Variants in SKP2 observed in about 807,000 individuals in gnomAD.
SKP2 encodes S-phase kinase associated protein 2, also known as S-phase kinase-associated protein 2.
SKP2 carries 16 observed loss-of-function variants against 51.8 expected under a neutral mutation model. The observed-to-expected ratio is 0.31, with a 90% CI of 0.21 to 0.47. The LOEUF is 0.47. SKP2 is among the 20% of genes least tolerant of loss of function. The probability of loss-of-function intolerance (pLI) is 1.00; values close to 1 mark genes in which losing one functional copy is unlikely to be tolerated. For synonymous variants in SKP2, 176 were observed against 198.6 expected (o/e 0.89, Z 0.96); for missense variants, 377 against 505.3 (o/e 0.75, Z 2.43).
chr5:36,183,453 G>A lies in SKP2; in HGVS notation c.*1422G>A, dbSNP rs1290932801. On this transcript the variant is annotated 3_prime_UTR_variant, in exon 10 of 10. Transcript: ENST00000274255. ...GGCTAATTTTTTTGTATTTTTAGTA[G>A]AGACGGGGTTTCACCATGTTAGCCA... is the stretch of plus-strand genomic sequence containing the variant. The A allele has an allele frequency of 9.5e-6, 3 of 316,766 alleles. No individual in the cohort carries two copies. Among genetic ancestry groups the A allele is most frequent in the African/African-American group, 2.3e-5 (1 of 44,330 alleles). 19.6% of individuals were successfully genotyped at this position (316,766 alleles called of 1,614,324 possible). A position where few individuals can be genotyped will look rare whatever the true frequency, so the allele number is the denominator to read the frequency against.
intron 2 of SKP2, among the ~76,000 whole-genome samples, chr5:36,153,896 A>G (rs1364677163): frequency 1.3e-5 from 2 of 152,154 alleles, no homozygotes; most frequent in African/African-American, 4.8e-5. Flanking sequence ...TAAACAGGGC[A>G]TTGACCTGGG....
intron 7 of SKP2, among the ~76,000 whole-genome samples, chr5:36,172,712 G>A (rs1200965455): frequency 2.0e-5 from 3 of 152,136 alleles, no homozygotes; most frequent in African/African-American, 7.2e-5. Flanking sequence ...ATGTCCTCTG[G>A]TAAGATGTAT....
Position 36,183,554 on chromosome 5 carries a change from A to C in SKP2, c.*1523A>C. ...AGTGCTGGGATTACAGGCATGAGCA[A>C]CTGCGCCCAGCCAAATTCTACTTCT... On this transcript the variant is annotated 3_prime_UTR_variant, in exon 10 of 10. Coordinates refer to ENST00000274255, the MANE Select transcript of SKP2 (RefSeq NM_005983.4). 3.2e-5 allele frequency: 33 copies of C among 1,021,872 alleles called. No individual in the cohort carries two copies. Among genetic ancestry groups the C allele is most frequent in the Non-Finnish European group, 3.9e-5 (33 of 853,730 alleles). 63.3% of individuals were successfully genotyped at this position (1,021,872 alleles called of 1,614,324 possible).
chr5:36,178,791 G>A (rs564527116), intron 9 of SKP2, among the ~76,000 whole-genome samples: 1 of 152,156 alleles, frequency 6.6e-6, no homozygotes, highest in Admixed American at 6.5e-5. Context: ...CTTCTCTGCA[G>A]AAAGAAAGAA....
intron 9 of SKP2, 53 bp downstream of exon 9, chr5:36,177,345 GC>G: frequency 9.4e-7 from 1 of 1,064,612 alleles, no homozygotes; most frequent in Non-Finnish European, 1.5e-6. Context: ...CAACAGAGAT[GC>G]CCCTTGGTGT....
At chr5:36,157,943 C>T (rs888107107) in intron 2 of SKP2, among the ~76,000 whole-genome samples, 5 of 152,198 alleles carry the variant, frequency 3.3e-5, no homozygotes, top group African/African-American at 1.2e-4. Context: ...CAACAAGGCC[C>T]TCTTCCCAGA....
Position 36,157,186 on chromosome 5 carries a change from C to T in SKP2, c.280+4144C>T, listed in dbSNP as rs573800579. On this transcript the variant is annotated intron_variant, in intron 2 of 9. Transcript: ENST00000274255. Reference sequence around the variant, plus strand: ...CCAGTCATCTTTCTTTGTTCCATAGCTTCCTTTCATTCATCCATTAAGCAA... The same window carrying T: ...CCAGTCATCTTTCTTTGTTCCATAGTTTCCTTTCATTCATCCATTAAGCAA... Among the ~76,000 whole-genome samples the T allele has an allele frequency of 2.0e-5, 3 of 152,272 alleles. No homozygotes were observed. In the South Asian group the frequency reaches 6.2e-4, roughly 32 times the overall value.
chr5:36,186,625 A>G (rs1316058129), downstream of SKP2, among the ~76,000 whole-genome samples: 1 of 152,008 alleles, frequency 6.6e-6, no homozygotes, highest in African/African-American at 2.4e-5. Context: ...AAGCTTTTTG[A>G]TATGCTGCTG....
rs993344616 is a variant in SKP2, at chr5:36,157,909, A to G, written c.280+4867A>G. 2.6e-5 allele frequency among the ~76,000 whole-genome samples: 4 copies of G among 152,338 alleles called. 1 individual carries two copies. The highest frequency in any genetic ancestry group is 2.6e-4 in the Admixed American group (4 of 15,306). Reference sequence around the variant, plus strand: ...GTAAGATGAGTTACCTACACTGCAAAGATGGAATGCATAGAAAACTCTCCA... The same window carrying G: ...GTAAGATGAGTTACCTACACTGCAAGGATGGAATGCATAGAAAACTCTCCA... On this transcript the variant is annotated intron_variant, in intron 2 of 9. Transcript: ENST00000274255.
intron 6 of SKP2, among the ~76,000 whole-genome samples, chr5:36,191,926 A>G (rs1196724083): frequency 6.6e-6 from 1 of 152,172 alleles, no homozygotes; most frequent in Non-Finnish European, 1.5e-5. Flanking sequence ...TCAAAACGTA[A>G]CTGCTTTGAG....
rs1006217307 is a variant in SKP2 at position 36,171,801 on chromosome 5, C to G, written c.901+68C>G. 18 of 1,468,102 alleles carry G rather than the reference C, an allele frequency of 1.2e-5. No individual in the cohort carries two copies. In the African/African-American group the frequency reaches 2.1e-4, roughly 17 times the overall value. 90.9% of individuals were successfully genotyped at this position (1,468,102 alleles called of 1,614,324 possible). ...AATAGATGAGATTCATTGAGCTTCTCCTAATCATTCCTCCACATAAGTTTT... is the reference window on the plus strand; with the variant it reads ...AATAGATGAGATTCATTGAGCTTCTGCTAATCATTCCTCCACATAAGTTTT... On this transcript the variant is annotated intron_variant, in intron 7 of 9. Coordinates refer to ENST00000274255, the MANE Select transcript of SKP2 (RefSeq NM_005983.4).
intron 4 of SKP2, among the ~76,000 whole-genome samples, chr5:36,167,963 T>C (rs1037590084): frequency 3.3e-5 from 5 of 152,002 alleles, no homozygotes; most frequent in African/African-American, 1.2e-4. Context: ...CCCTGTTCTA[T>C]TGCTGCTCAC....
At chr5:36,169,811 G>C (rs1745411270) in intron 5 of SKP2, among the ~76,000 whole-genome samples, 1 of 152,136 alleles carries the variant, frequency 6.6e-6, no homozygotes, top group African/African-American at 2.4e-5. Context: ...CTTTTCCAGG[G>C]TCACATTGTT....
chr5:36,168,581 C>T, intron 5 of SKP2, 134 bp downstream of exon 5: 1 of 795,954 alleles, frequency 1.3e-6, no homozygotes, highest in Admixed American at 2.6e-5. Flanking sequence ...GCTCTAGCTT[C>T]TGCAAAACTT....
intron 3 of SKP2, among the ~76,000 whole-genome samples, chr5:36,164,538 ATCCG>A (rs1318225533): frequency 2.0e-5 from 3 of 152,208 alleles, no homozygotes; most frequent in African/African-American, 7.2e-5. Flanking sequence ...TTTAAAGGCC[ATCCG>A]TCTGGCTTCT....
Position 36,152,967 on chromosome 5 carries a change from C to A in SKP2, c.205C>A (p.Arg69=). ...CCACCCGGAGAGCCCCCCACGGAAA[C>A]GGCTGAAGAGCAAAGGGAGTGACAA... ...LGHPESPPRK[R]LKSKGSDKDF... The change falls in exon 2 of 10, where the codon CGG becomes AGG. Residue 69 remains arginine, a synonymous_variant. Transcript: ENST00000274255. 1 of 1,614,122 alleles carries A rather than the reference C, an allele frequency of 6.2e-7. No homozygotes were observed. Among genetic ancestry groups the A allele is most frequent in the African/African-American group, 1.3e-5 (1 of 75,024 alleles).
intron 6 of SKP2, among the ~76,000 whole-genome samples, chr5:36,189,465 T>TG (rs1332462416): frequency 2.0e-5 from 3 of 152,248 alleles, no homozygotes; most frequent in Non-Finnish European, 4.4e-5. Flanking sequence ...GCACGTCTGT[T>TG]GGAGTTTGCT....
intron 4 of SKP2, among the ~76,000 whole-genome samples, chr5:36,167,909 C>T (rs1745340288): frequency 2.0e-5 from 3 of 152,162 alleles, no homozygotes. Flanking sequence ...TGAGCCACTG[C>T]GCCCAGCCTG....
intron 2 of SKP2, among the ~76,000 whole-genome samples, chr5:36,153,738 T>C (rs1744842397): frequency 1.3e-5 from 2 of 152,180 alleles, no homozygotes; most frequent in Non-Finnish European, 2.9e-5. Context: ...TCCCCAGATC[T>C]ATCCCCCGAA....
Sources: gnomAD v4.1 joint callset for allele counts (sites outside exome capture counted in the v4.1 genomes callset) on GRCh38, gnomAD v4.1.1 for gene constraint, MANE v1.5 for transcripts, NCBI Gene and HGNC (gene_info 2026-07-23, HGNC 2026-07-21) for gene names.